CSMD3: variants seen among roughly 807,000 people sequenced by gnomAD.
The protein encoded by CSMD3 is CUB and sushi domain-containing protein 3.
Under a neutral mutation model 435.2 loss-of-function variants are expected in CSMD3, and 177 were observed. The observed-to-expected ratio is 0.41, with a 90% CI of 0.36 to 0.46. The LOEUF is 0.46. Among genes scored for constraint, CSMD3 ranks in the 20% least tolerant of loss-of-function variants. CSMD3 has a pLI of 0.34. For missense variants in CSMD3, 4,265 were observed against 4,504.6 expected, an observed-to-expected ratio of 0.95 and a Z score of 1.52; for synonymous variants, 1,656 against 1,520.5, an observed-to-expected ratio of 1.09 and a Z score of -2.07.
chr8:112,292,749 G>GA (rs759755804), intron 54 of CSMD3, 39 bp from the exon 55 acceptor site: 26 of 1,565,942 alleles, frequency 1.7e-5, no homozygotes, highest in Admixed American at 8.4e-5. Flanking sequence ...AGGAAACACA[G>GA]AAAAAAAATA....
At chr8:113,030,340 A>G (rs2087041869) in intron 5 of CSMD3, among the ~76,000 whole-genome samples, 1 of 150,360 alleles carries the variant, frequency 6.7e-6, no homozygotes, top group Non-Finnish European at 1.5e-5. Flanking sequence ...AGCAAAAAGA[A>G]CAAATCTGGA....
chr8:112,994,304 T>C lies in CSMD3; in HGVS notation c.1031-18156A>G, dbSNP rs530467180. Among the ~76,000 whole-genome samples, 6 of 151,790 alleles carry C rather than the reference T, an allele frequency of 4.0e-5. No homozygotes were observed. The East Asian group carries it at 1.2e-3, about 29-fold the overall frequency. ...TCAGACCTGTCCAACTCAATGAACA[T>C]GTACACACTACTAGCAGAAAGTGGG... On this transcript the variant is annotated intron_variant, in intron 6 of 70. Transcript: ENST00000297405.
intron 1 of CSMD3, among the ~76,000 whole-genome samples, chr8:113,328,821 CCTCAACCTTCCCAGG>C (rs1222164929): frequency 7.3e-6 from 1 of 136,884 alleles, no homozygotes; most frequent in Non-Finnish European, 1.5e-5. Context: ...CTCATGGCAG[CCTCAACCTTCCCAGG>C]CTCAAGCCAT....
In CSMD3 at chr8:112,492,220, T is replaced by G. The variant is rs150456694; in HGVS notation, c.5278+269A>C. Among the ~76,000 whole-genome samples, 329 of 152,258 alleles carry G rather than the reference T, an allele frequency of 2.2e-3. 2 individuals are homozygous for G. The highest frequency in any genetic ancestry group is 7.7e-3 in the African/African-American group (318 of 41,548). On this transcript the variant is annotated intron_variant, in intron 31 of 70. Coordinates refer to ENST00000297405, the MANE Select transcript of CSMD3 (RefSeq NM_198123.2). The stretch of plus-strand genomic sequence containing the variant: ...GTGCAAGTCCTGAAGGCACACAAAT[T>G]AGCATAACAGGCAGTAACCCAGTTC...
intron 42 of CSMD3, among the ~76,000 whole-genome samples, chr8:112,338,754 G>A (rs918164106): frequency 1.3e-5 from 2 of 151,920 alleles, no homozygotes; most frequent in Admixed American, 1.3e-4. Context: ...CATTTTAATT[G>A]ATATTCTACA....
In CSMD3 at chr8:112,409,076, C is replaced by T. The variant is rs371583838; in HGVS notation, c.5396-44G>A. 3.5e-5 allele frequency: 57 copies of T among 1,611,530 alleles called. No homozygotes were observed. In the South Asian group the frequency reaches 5.4e-4, roughly 15 times the overall value. On this transcript the variant is annotated intron_variant, in intron 32 of 70. Coordinates refer to ENST00000297405, the MANE Select transcript of CSMD3 (RefSeq NM_198123.2). ...GAGAAGCAAACAAATCACCAACCAT[C>T]CAAAAACGAAAACAAAAAACAAAAA...
At chr8:112,231,131 T>A (rs1457935004) in intron 69 of CSMD3, among the ~76,000 whole-genome samples, 1 of 152,242 alleles carries the variant, frequency 6.6e-6, no homozygotes, top group Non-Finnish European at 1.5e-5. Context: ...CCAGACTCTG[T>A]GAGTTTCTCA....
At chr8:113,138,487 A>C (rs2091469420) in intron 4 of CSMD3, among the ~76,000 whole-genome samples, 1 of 151,476 alleles carries the variant, frequency 6.6e-6, no homozygotes, top group Non-Finnish European at 1.5e-5. Flanking sequence ...GGTTAATTCC[A>C]ATGCTAAAGA....
intron 10 of CSMD3, among the ~76,000 whole-genome samples, chr8:112,882,011 C>T (rs1039606352): frequency 6.6e-6 from 1 of 151,692 alleles, no homozygotes; most frequent in Non-Finnish European, 1.5e-5. Flanking sequence ...TTACTCATTC[C>T]TTTTTCTGGG....
chr8:113,128,929 A>T (rs1013490007), intron 4 of CSMD3, among the ~76,000 whole-genome samples: 1 of 152,142 alleles, frequency 6.6e-6, no homozygotes, highest in African/African-American at 2.4e-5. Flanking sequence ...ATACTTTATC[A>T]AATTGCAAAA....
At chr8:112,406,375 G>T in intron 35 of CSMD3, 149 bp downstream of exon 35, 1 of 459,592 alleles carries the variant, frequency 2.2e-6, no homozygotes, top group Non-Finnish European at 3.7e-6. Context: ...AATCTCCACT[G>T]ATTTTTCATA....
chr8:112,830,837 A>G (rs2079849529), intron 11 of CSMD3, among the ~76,000 whole-genome samples: 1 of 147,912 alleles, frequency 6.8e-6, no homozygotes, highest in Non-Finnish European at 1.5e-5. Flanking sequence ...CTCAGGCTAG[A>G]GTGCACTGGC....
intron 3 of CSMD3, among the ~76,000 whole-genome samples, chr8:113,259,859 C>A (rs2093412929): frequency 6.6e-6 from 1 of 152,018 alleles, no homozygotes; most frequent in Admixed American, 6.6e-5. Context: ...TGTCCCCACC[C>A]AAATCTTATC....
intron 4 of CSMD3, among the ~76,000 whole-genome samples, chr8:113,122,610 A>G (rs72685851): frequency 0.11 from 17,026 of 151,314 alleles, 1,036 homozygotes; most frequent in Middle Eastern, 0.17. Context: ...AATCAGAGAG[A>G]GAGAGATGTG....
At position 112,247,113 on chromosome 8, in the gene CSMD3, A is replaced by G. The variant is rs113941620; in HGVS notation, c.10129T>C (p.Phe3377Leu). ...AGAAGGTGTCCTTTTTTGCAATGGA[A>G]CTGTACAACACTTCCTACCTATAGC... The part of the protein sequence containing the change: ...FGFQVGSVVQ[F>L]HCKKGHLLQG... The change falls in exon 64 of 71, where the codon TTC (phenylalanine) becomes CTC (leucine). Residue 3377 changes from phenylalanine to leucine, a missense_variant. By Grantham distance (22) the Phe-to-Leu change is conservative (BLOSUM62 0). Around this residue, in one of 3 missense-constraint regions of CSMD3, gnomAD observed 3,255 missense variants for 3,380.2 expected, o/e 0.96. Coordinates refer to ENST00000297405, the MANE Select transcript of CSMD3 (RefSeq NM_198123.2). The G allele has an allele frequency of 6.2e-7, 1 of 1,611,712 alleles. No individual in the cohort carries two copies. The highest frequency in any genetic ancestry group is 2.2e-5 in the East Asian group (1 of 44,846).
chr8:113,428,182 T>C (rs188034201), intron 1 of CSMD3, among the ~76,000 whole-genome samples: 94 of 151,400 alleles, frequency 6.2e-4, no homozygotes, highest in Non-Finnish European at 1.3e-3. Context: ...CCAATTAAGT[T>C]ATGTGTTACT....
intron 8 of CSMD3, among the ~76,000 whole-genome samples, chr8:112,951,852 G>A (rs192689317): frequency 6.6e-6 from 1 of 150,784 alleles, no homozygotes; most frequent in Non-Finnish European, 1.5e-5. Flanking sequence ...TATTCTAGAG[G>A]AGCCTACTAA....
intron 11 of CSMD3, among the ~76,000 whole-genome samples, chr8:112,842,981 C>A (rs1011867447): frequency 1.3e-5 from 2 of 151,488 alleles, no homozygotes; most frequent in African/African-American, 4.8e-5. Flanking sequence ...TTTATACATG[C>A]AATTATGGAA....
intron 10 of CSMD3, among the ~76,000 whole-genome samples, chr8:112,887,732 C>A (rs2081649660): frequency 9.6e-6 from 1 of 104,180 alleles, no homozygotes; most frequent in Non-Finnish European, 1.9e-5. Context: ...TGATACTAGT[C>A]TTTATGCAAA....
Sources: gnomAD v4.1 joint callset for allele counts (sites outside exome capture counted in the v4.1 genomes callset) on GRCh38, gnomAD v4.1.1 for gene constraint, gnomAD v4.1.1 regional missense constraint, MANE v1.5 for transcripts, NCBI Gene and HGNC (gene_info 2026-07-23, HGNC 2026-07-21) for gene names.